Variants in KIAA1217 observed in about 807,000 individuals in gnomAD.
The protein encoded by KIAA1217 is sickle tail protein homolog.
In KIAA1217, 88 loss-of-function variants were observed where a neutral mutation model predicts 163.9. The observed-to-expected ratio is 0.54, with a 90% CI of 0.45 to 0.64. The LOEUF (loss-of-function observed/expected upper bound fraction) is 0.64. Among genes scored for constraint, KIAA1217 ranks in the 30% least tolerant of loss-of-function variants. The pLI is 0.00. For synonymous variants in KIAA1217, 903 were observed against 923.1 expected (o/e 0.98, Z 0.39); for missense variants, 2,372 against 2,475.0 (o/e 0.96, Z 0.88).
chr10:23,866,622 C>T (rs578059618), intron 1 of KIAA1217, among the ~76,000 whole-genome samples: 1 of 151,928 alleles, frequency 6.6e-6, no homozygotes, highest in African/African-American at 2.4e-5. Flanking sequence ...GCACCCTACC[C>T]CTGCTTGGGA....
intron 2 of KIAA1217, among the ~76,000 whole-genome samples, chr10:24,322,750 G>A (rs930578992): frequency 2.6e-5 from 4 of 152,132 alleles, no homozygotes; most frequent in African/African-American, 9.7e-5. Flanking sequence ...TTGCAGGGCT[G>A]CTCATCTGAA....
chr10:24,100,174 A>G (rs1693286306), intron 2 of KIAA1217, among the ~76,000 whole-genome samples: 1 of 151,988 alleles, frequency 6.6e-6, no homozygotes, highest in South Asian at 2.1e-4. Context: ...TCCACCAAGA[A>G]ACAAGGGTCT....
At chr10:24,532,102 T>TCGAC (rs1218888108) in intron 15 of KIAA1217, 109 bp downstream of exon 15, 18 of 1,016,492 alleles carry the variant, frequency 1.8e-5, no homozygotes, top group Non-Finnish European at 2.4e-5. Context: ...AAGTAGTAAC[T>TCGAC]CGACCACACA....
chr10:23,934,577 A>ATGTATG (rs1302431868), intron 1 of KIAA1217, among the ~76,000 whole-genome samples: 1 of 57,916 alleles, frequency 1.7e-5, no homozygotes, highest in African/African-American at 1.8e-4. Flanking sequence ...ATATATATAT[A>ATGTATG]TATATATATA....
chr10:23,815,441 C>G lies in KIAA1217; in HGVS notation c.-321+120207C>G, dbSNP rs531538324. On this transcript the variant is annotated intron_variant, in intron 1 of 18. Coordinates refer to the KIAA1217 transcript ENST00000376462. Reference sequence around the variant, plus strand: ...GGGCGGATCACAAAGTCAGGAGATCCAGACCATCCTGGCTAACACGGTGAA... The same window carrying G: ...GGGCGGATCACAAAGTCAGGAGATCGAGACCATCCTGGCTAACACGGTGAA... 3.9e-3 allele frequency among the ~76,000 whole-genome samples: 588 copies of G among 152,112 alleles called. 9 individuals are homozygous for G. Among genetic ancestry groups the G allele is most frequent in the Admixed American group, 0.028 (425 of 15,270 alleles).
chr10:24,299,525 A>C (rs2041043419), intron 2 of KIAA1217, among the ~76,000 whole-genome samples: 2 of 152,072 alleles, frequency 1.3e-5, no homozygotes, highest in South Asian at 4.1e-4. Flanking sequence ...CAGCCTCCCA[A>C]GTAGCTGAGA....
intron 1 of KIAA1217, among the ~76,000 whole-genome samples, chr10:23,800,409 C>T (rs1346725697): frequency 1.3e-5 from 2 of 151,958 alleles, no homozygotes; most frequent in African/African-American, 4.8e-5. Flanking sequence ...TGGACCTGTG[C>T]TTTCGCTGGA....
At chr10:24,303,939 G>A (rs377017778) in intron 2 of KIAA1217, among the ~76,000 whole-genome samples, 7 of 152,158 alleles carry the variant, frequency 4.6e-5, no homozygotes, top group African/African-American at 1.7e-4. Context: ...AAGAAATGCT[G>A]TATGAAACTT....
At position 24,419,183 on chromosome 10, in the gene KIAA1217, A is replaced by T. The variant is rs2058526190; in HGVS notation, c.554-13812A>T. ...GCAAGACTCGTCTCCAAAAAAAAAA[A>T]AAAAAAAGAAAGAAAATCTCATTCT... On this transcript the variant is annotated intron_variant, in intron 3 of 20. Coordinates refer to ENST00000376454, the MANE Select transcript of KIAA1217 (RefSeq NM_019590.5). Among the ~76,000 whole-genome samples the T allele has an allele frequency of 1.3e-5, 2 of 151,662 alleles. 1 individual carries two copies. Among genetic ancestry groups the T allele is most frequent in the South Asian group, 4.2e-4 (2 of 4,810 alleles).
At chr10:24,365,057 A>T (rs917468323) in intron 2 of KIAA1217, among the ~76,000 whole-genome samples, 1 of 152,084 alleles carries the variant, frequency 6.6e-6, no homozygotes, top group Non-Finnish European at 1.5e-5. Flanking sequence ...CTCCTGTCTC[A>T]GCCTCCCAAA....
At chr10:24,307,085 T>C (rs1172522858) in intron 2 of KIAA1217, among the ~76,000 whole-genome samples, 4 of 152,230 alleles carry the variant, frequency 2.6e-5, no homozygotes, top group Non-Finnish European at 5.9e-5. Context: ...TCTTAGTTTA[T>C]TTTATTCCTC....
chr10:23,736,926 G>A (rs7913228), intron 1 of KIAA1217, among the ~76,000 whole-genome samples: 33,230 of 151,796 alleles, frequency 0.22, 3,875 homozygotes, highest in Middle Eastern at 0.29. Flanking sequence ...TATATATTTC[G>A]GAATCAGCTT....
chr10:24,145,794 G>A (rs746153048), intron 2 of KIAA1217, among the ~76,000 whole-genome samples: 1 of 152,182 alleles, frequency 6.6e-6, no homozygotes, highest in Non-Finnish European at 1.5e-5. Context: ...TGATGTTTGA[G>A]GGCAGGAAGC....
At chr10:24,000,194 C>T (rs368659785) in intron 1 of KIAA1217, among the ~76,000 whole-genome samples, 19 of 152,102 alleles carry the variant, frequency 1.2e-4, no homozygotes, top group South Asian at 2.1e-4. Flanking sequence ...ATATAACTAG[C>T]GATATGGTTT....
chr10:24,062,350 C>A (rs2060759529), intron 2 of KIAA1217, among the ~76,000 whole-genome samples: 1 of 137,130 alleles, frequency 7.3e-6, no homozygotes, highest in Non-Finnish European at 1.5e-5. Context: ...CATGTGTTCT[C>A]ATTGTTCAAC....
intron 1 of KIAA1217, among the ~76,000 whole-genome samples, chr10:23,734,608 A>G (rs1444175668): frequency 6.6e-6 from 1 of 151,668 alleles, no homozygotes; most frequent in Non-Finnish European, 1.5e-5. Flanking sequence ...ACTTTTTATC[A>G]TACACTTAAT....
chr10:24,438,187 A>G (rs1037993271), intron 4 of KIAA1217, among the ~76,000 whole-genome samples, 199 bp from the exon 5 acceptor site: 2 of 152,114 alleles, frequency 1.3e-5, no homozygotes. Flanking sequence ...AAGGAGAGAA[A>G]AGCTGAAGTC....
At chr10:23,746,533 C>A (rs528871466) in intron 1 of KIAA1217, among the ~76,000 whole-genome samples, 1 of 152,114 alleles carries the variant, frequency 6.6e-6, no homozygotes, top group Admixed American at 6.5e-5. Context: ...AGGCCATTCT[C>A]CTGCCTCAGC....
intron 2 of KIAA1217, among the ~76,000 whole-genome samples, chr10:24,288,171 C>G (rs2078741654): frequency 6.6e-6 from 1 of 152,092 alleles, no homozygotes; most frequent in South Asian, 2.1e-4. Context: ...GCCAAGATGA[C>G]TTGTTTATTT....
Sources: allele counts gnomAD v4.1 joint callset (sites outside exome capture counted in the v4.1 genomes callset), GRCh38; gene constraint gnomAD v4.1.1; transcripts MANE v1.5; gene names NCBI Gene and HGNC (gene_info 2026-07-23, HGNC 2026-07-21).